INTU: variants seen among roughly 807,000 people sequenced by gnomAD.
INTU encodes the protein protein inturned.
INTU carries 68 observed loss-of-function variants against 100.5 expected under a neutral mutation model. That is an observed-to-expected ratio of 0.68 (90% CI 0.56 to 0.83). The LOEUF is 0.83. Ranked by LOEUF, INTU falls within the 40% of genes least tolerant of loss-of-function variation. The pLI is 0.00. For synonymous variants in INTU, 357 were observed against 395.7 expected, an observed-to-expected ratio of 0.90 and a Z score of 1.16; for missense variants, 1,071 against 1,114.7, an observed-to-expected ratio of 0.96 and a Z score of 0.56.
chr4:127,670,914 A>C (rs550468030), intron 5 of INTU, among the ~76,000 whole-genome samples: 3 of 152,186 alleles, frequency 2.0e-5, no homozygotes, highest in Non-Finnish European at 2.9e-5. Context: ...AGCCATATGC[A>C]AAAGAATGAA....
intron 1 of INTU, among the ~76,000 whole-genome samples, chr4:127,638,530 G>T (rs987467636): frequency 6.6e-6 from 1 of 152,090 alleles, no homozygotes; most frequent in Non-Finnish European, 1.5e-5. Context: ...AACTATTAGA[G>T]GGGTATTAAA....
At chr4:127,710,372 A>AT (rs1349072410) in intron 13 of INTU, among the ~76,000 whole-genome samples, 2 of 152,020 alleles carry the variant, frequency 1.3e-5, no homozygotes, top group African/African-American at 4.8e-5. Context: ...ATAATATATA[A>AT]AACATTTCAT....
chr4:127,649,575 C>G (rs1236910299), intron 2 of INTU, among the ~76,000 whole-genome samples: 3 of 151,938 alleles, frequency 2.0e-5, no homozygotes, highest in African/African-American at 7.3e-5. Flanking sequence ...AATCCTAAAT[C>G]CAAAATGCTC....
At chr4:127,667,387 T>C (rs1348618684) in intron 4 of INTU, among the ~76,000 whole-genome samples, 1 of 152,152 alleles carries the variant, frequency 6.6e-6, no homozygotes, top group East Asian at 1.9e-4. Flanking sequence ...GCTTGCCAGG[T>C]CTTTAATAGT....
chr4:127,688,971 C>CTTTTTTTTTTTTTTTTT (rs763570146), intron 8 of INTU, among the ~76,000 whole-genome samples: 5 of 88,024 alleles, frequency 5.7e-5, no homozygotes, highest in Non-Finnish European at 1.2e-4. Flanking sequence ...TTCTTTCTTT[C>CTTTTTTTTTTTTTTTTT]TTTTTTTTTT....
At chr4:127,680,746 G>T (rs949365655) in intron 6 of INTU, among the ~76,000 whole-genome samples, 4 of 148,718 alleles carry the variant, frequency 2.7e-5, no homozygotes, top group Non-Finnish European at 6.0e-5. Context: ...TGGAAGTTCT[G>T]GCCAGGGCAA....
chr4:127,666,204 G>A (rs61039595), intron 4 of INTU, among the ~76,000 whole-genome samples: 2,835 of 152,056 alleles, frequency 0.019, 87 homozygotes, highest in African/African-American at 0.063. Context: ...TGATATCCCC[G>A]ATCGTCTCTT....
At chr4:127,699,725 A>G (rs1223863977) in intron 8 of INTU, among the ~76,000 whole-genome samples, 1 of 152,220 alleles carries the variant, frequency 6.6e-6, no homozygotes, top group Non-Finnish European at 1.5e-5. Context: ...ACATGTGAAG[A>G]CCATTTTGCA....
chr4:127,650,845 A>G (rs1727827293), intron 2 of INTU, among the ~76,000 whole-genome samples: 1 of 152,032 alleles, frequency 6.6e-6, no homozygotes, highest in Non-Finnish European at 1.5e-5. Context: ...CAACAGTGTA[A>G]AAGTGTTCCT....
intron 1 of INTU, among the ~76,000 whole-genome samples, chr4:127,636,740 CCT>C (rs1727092063): frequency 6.6e-6 from 1 of 152,050 alleles, no homozygotes; most frequent in Admixed American, 6.6e-5. Context: ...TGCTGACTTT[CCT>C]CTCTTTCTTG....
At chr4:127,642,474 A>G (rs890368337) in intron 1 of INTU, among the ~76,000 whole-genome samples, 2 of 152,210 alleles carry the variant, frequency 1.3e-5, no homozygotes, top group African/African-American at 2.4e-5. Flanking sequence ...AGAAAGAGAC[A>G]TTTGACTTTT....
chr4:127,665,113 G>GATA (rs1728638073), intron 4 of INTU, among the ~76,000 whole-genome samples: 1 of 150,814 alleles, frequency 6.6e-6, no homozygotes, highest in African/African-American at 2.4e-5. Flanking sequence ...TTACTCATGT[G>GATA]CTATTGTCAT....
chr4:127,677,056 C>T (rs1235485718), intron 6 of INTU, among the ~76,000 whole-genome samples: 13 of 152,290 alleles, frequency 8.5e-5, no homozygotes, highest in Middle Eastern at 6.8e-3. Context: ...GAGGGGAGCC[C>T]GCCATTGCCC....
chr4:127,643,519 A>G lies in INTU; in HGVS notation c.147-2A>G. On this transcript the variant is annotated splice_acceptor_variant, in intron 1 of 15. Transcript: ENST00000335251. LOFTEE classifies it high-confidence loss of function. The stretch of plus-strand genomic sequence containing the variant: ...TAAGATTATCTTTTCTCTCTTTCAT[A>G]GTGATCTTGAGCCTGAATGGCTGGA... 1 of 1,578,462 alleles carries G rather than the reference A, an allele frequency of 6.3e-7. No homozygotes were observed. Among genetic ancestry groups the G allele is most frequent in the Non-Finnish European group, 8.6e-7 (1 of 1,168,754 alleles).
At chr4:127,667,646 A>G (rs773302232) in intron 4 of INTU, among the ~76,000 whole-genome samples, 11 of 152,104 alleles carry the variant, frequency 7.2e-5, no homozygotes, top group Non-Finnish European at 1.6e-4. Flanking sequence ...GCTAAATGCA[A>G]TAAAATTATT....
intron 10 of INTU, among the ~76,000 whole-genome samples, chr4:127,705,051 C>T (rs1730818787): frequency 6.6e-6 from 1 of 151,500 alleles, no homozygotes; most frequent in African/African-American, 2.4e-5. Context: ...GAGTTCGTGC[C>T]ACTGCACTCC....
intron 6 of INTU, among the ~76,000 whole-genome samples, chr4:127,681,749 A>G (rs969721548): frequency 3.3e-5 from 5 of 152,210 alleles, no homozygotes; most frequent in African/African-American, 1.2e-4. Flanking sequence ...CAAAATTGAC[A>G]AATGGGATCT....
chr4:127,638,023 T>C (rs1364962325), intron 1 of INTU, among the ~76,000 whole-genome samples: 1 of 152,212 alleles, frequency 6.6e-6, no homozygotes, highest in Non-Finnish European at 1.5e-5. Flanking sequence ...AGCTGCTATA[T>C]CATCCAGCAT....
At position 127,633,076 on chromosome 4, in the gene INTU, C is replaced by A; in HGVS notation, c.42C>A (p.Asp14Glu). 6.2e-7 allele frequency: 1 copy of A among 1,613,942 alleles called. No individual in the cohort carries two copies. The highest frequency in any genetic ancestry group is 1.3e-5 in the African/African-American group (1 of 75,078). Residue 14 changes from aspartate (D) to glutamate (E), a missense_variant, in exon 1 of 16, where the codon GAC (aspartate) becomes GAA (glutamate). Physicochemically the swap from Asp to Glu is conservative, Grantham distance 45. Transcript: ENST00000335251. The part of the protein sequence containing the change: ...VASCDSRPSS[D>E]ELPGDPSSQE... Reference sequence around the variant, plus strand: ...CGTGCGATTCGCGTCCGAGCTCAGACGAGCTCCCTGGAGACCCCTCTTCAC... The same window carrying A: ...CGTGCGATTCGCGTCCGAGCTCAGAAGAGCTCCCTGGAGACCCCTCTTCAC...
Sources: gnomAD v4.1 joint callset for allele counts (sites outside exome capture counted in the v4.1 genomes callset) on GRCh38, gnomAD v4.1.1 for gene constraint, MANE v1.5 for transcripts, NCBI Gene and HGNC (gene_info 2026-07-23, HGNC 2026-07-21) for gene names.